HERPUD2: variants seen among roughly 807,000 people sequenced by gnomAD.
The protein encoded by HERPUD2 is HERPUD family member 2, also known as homocysteine-responsive endoplasmic reticulum-resident ubiquitin-like domain member 2 protein.
A neutral mutation model predicts 49.9 loss-of-function variants in HERPUD2; 13 were observed. The observed-to-expected ratio is 0.26, with a 90% CI of 0.17 to 0.41. The LOEUF (loss-of-function observed/expected upper bound fraction) is 0.41, where lower values mean the gene tolerates loss of function less well. HERPUD2 is among the 10% of genes least tolerant of loss of function. The pLI, the probability that HERPUD2 is intolerant of heterozygous loss-of-function variation, is 1.00. For synonymous variants in HERPUD2, 172 were observed against 171.4 expected (o/e 1.00, Z -0.03); for missense variants, 449 against 492.2 (o/e 0.91, Z 0.83).
At chr7:35,645,549 C>A (rs1337575902) in intron 5 of HERPUD2, among the ~76,000 whole-genome samples, 5 of 152,064 alleles carry the variant, frequency 3.3e-5, no homozygotes, top group African/African-American at 1.2e-4. Context: ...GTACAGTAAG[C>A]CCTCACTTCC....
chr7:35,673,329 G>A lies in HERPUD2; in HGVS notation c.148-51C>T, dbSNP rs755981068. 8.6e-6 allele frequency: 12 copies of A among 1,399,074 alleles called. No individual in the cohort carries two copies. The East Asian group carries it at 2.6e-4, about 30-fold the overall frequency. The allele number at this position is 1,399,074 out of a possible 1,614,324, so 86.7% of individuals were successfully genotyped here. ...TTCAACTTTTCTAATTATGCAAATT[G>A]AAGGTTGGGAATAACATGCCTAATT... On this transcript the variant is annotated intron_variant, in intron 2 of 8. Transcript: ENST00000311350.
intron 2 of HERPUD2, among the ~76,000 whole-genome samples, chr7:35,689,963 C>T (rs1786143768): frequency 6.6e-6 from 1 of 152,094 alleles, no homozygotes; most frequent in Admixed American, 6.5e-5. Context: ...CCTAAGTGGA[C>T]TTGGATATTC....
chr7:35,673,984 T>G (rs1468078474), intron 2 of HERPUD2, among the ~76,000 whole-genome samples: 1 of 152,106 alleles, frequency 6.6e-6, no homozygotes, highest in Non-Finnish European at 1.5e-5. Context: ...CTGTATATAC[T>G]CCACATAAGG....
intron 2 of HERPUD2, among the ~76,000 whole-genome samples, chr7:35,688,333 T>C (rs1786108222): frequency 6.6e-6 from 1 of 152,214 alleles, no homozygotes; most frequent in Non-Finnish European, 1.5e-5. Context: ...GCAGTAACAG[T>C]AAGCAAAACT....
At chr7:35,673,072 A>G in intron 3 of HERPUD2, 129 bp downstream of exon 3, 1 of 615,262 alleles carries the variant, frequency 1.6e-6, no homozygotes, top group Non-Finnish European at 2.9e-6. Context: ...ATTTATCTTT[A>G]CTTGTTACAC....
intron 2 of HERPUD2, among the ~76,000 whole-genome samples, chr7:35,681,149 A>G (rs1000968274): frequency 5.9e-5 from 9 of 152,242 alleles, no homozygotes; most frequent in African/African-American, 2.2e-4. Flanking sequence ...ATGATAAAGA[A>G]GCAATCATAT....
intron 5 of HERPUD2, among the ~76,000 whole-genome samples, chr7:35,660,080 A>G (rs1437605127): frequency 6.6e-6 from 1 of 151,912 alleles, no homozygotes; most frequent in Non-Finnish European, 1.5e-5. Flanking sequence ...CCCTGTGTCC[A>G]TGGGTTCTCA....
intron 5 of HERPUD2, among the ~76,000 whole-genome samples, chr7:35,655,761 T>C (rs763317582): frequency 2.2e-4 from 33 of 152,306 alleles, no homozygotes; most frequent in Non-Finnish European, 4.3e-4. Flanking sequence ...TCCCTCTTTG[T>C]AGATAAAGAC....
chr7:35,634,422 C>T lies in HERPUD2; in HGVS notation c.949G>A (p.Ala317Thr). The stretch of plus-strand genomic sequence containing the variant: ...TCTTGCCTAAAAGGAAACCATCCAG[C>T]TTGGTGTCTGTTCAGTAAAATAAAG... ...GAMLLVYLHQ[A>T]GWFPFRQEGG... Residue 317 changes from alanine to threonine, a missense_variant, in exon 8 of 9, where the codon GCT becomes ACT. By Grantham distance (58) the Ala-to-Thr change is moderately conservative (BLOSUM62 0). Coordinates refer to ENST00000311350, the MANE Select transcript of HERPUD2 (RefSeq NM_022373.5). 1.9e-6 allele frequency: 3 copies of T among 1,602,608 alleles called. No individual in the cohort carries two copies. Among genetic ancestry groups the T allele is most frequent in the Non-Finnish European group, 2.6e-6 (3 of 1,169,602 alleles).
chr7:35,644,663 A>T (rs1269566958), intron 5 of HERPUD2, among the ~76,000 whole-genome samples: 1 of 152,130 alleles, frequency 6.6e-6, no homozygotes, highest in African/African-American at 2.4e-5. Flanking sequence ...GCTACTCAGG[A>T]GGCTGACACA....
chr7:35,635,151 T>C lies in HERPUD2; in HGVS notation c.925A>G (p.Met309Val). The change falls in exon 7 of 9, where the codon ATG becomes GTG. Residue 309 changes from methionine (M) to valine (V), a missense_variant. By Grantham distance (21) the Met-to-Val change is conservative (BLOSUM62 1). Transcript: ENST00000311350. ...FSRFIMVMGA[M>V]LLVYLHQAGW... ...ATCACTCACAAATAAACCAGTAGCA[T>C]GGCTCCCATTACCATGATAAACCGA... is the stretch of plus-strand genomic sequence containing the variant. The C allele has an allele frequency of 4.3e-6, 7 of 1,613,188 alleles. No individual in the cohort carries two copies. Among genetic ancestry groups the C allele is most frequent in the Non-Finnish European group, 4.2e-6 (5 of 1,179,120 alleles).
intron 5 of HERPUD2, among the ~76,000 whole-genome samples, 182 bp from the exon 6 acceptor site, chr7:35,638,654 GGGCCCAACTATATAGAATAACTA>G (rs1490765893): frequency 6.6e-6 from 1 of 152,064 alleles, no homozygotes; most frequent in African/African-American, 2.4e-5. Context: ...AGTTGACCCA[GGGCCCAACTATATAGAATAACTA>G]ACATTTCAGT....
In HERPUD2 at chr7:35,694,424, A is replaced by C; in HGVS notation, c.-94T>G. ...GCCGGCGCGACTGGGATGAGGACAG[A>C]AGTGAGTTCTTAGTATTCCGTGTCC... On this transcript the variant is annotated 5_prime_UTR_variant, in exon 2 of 9. Coordinates refer to ENST00000311350, the MANE Select transcript of HERPUD2 (RefSeq NM_022373.5). 7.8e-7 allele frequency: 1 copy of C among 1,285,672 alleles called. No homozygotes were observed. Among genetic ancestry groups the C allele is most frequent in the Non-Finnish European group, 1.1e-6 (1 of 891,826 alleles). 79.6% of individuals were successfully genotyped at this position (1,285,672 alleles called of 1,614,324 possible).
Position 35,695,121 on chromosome 7 carries a change from G to C in HERPUD2, c.-618C>G, listed in dbSNP as rs1222600596. 1 of 152,496 alleles carries C rather than the reference G, an allele frequency of 6.6e-6. No individual in the cohort carries two copies. The highest frequency in any genetic ancestry group is 6.5e-5 in the Admixed American group (1 of 15,292). 9.4% of individuals were successfully genotyped at this position (152,496 alleles called of 1,614,324 possible). On this transcript the variant is annotated 5_prime_UTR_variant, in exon 1 of 9. Coordinates refer to ENST00000311350, the MANE Select transcript of HERPUD2 (RefSeq NM_022373.5). ...AGAGCCGTTGCGCCACCGCTGGCGC[G>C]CCGGTTTTGTTGTTATTGCGAGGAT... is the stretch of plus-strand genomic sequence containing the variant.
chr7:35,690,048 G>C (rs1786145511), intron 2 of HERPUD2, among the ~76,000 whole-genome samples: 1 of 152,142 alleles, frequency 6.6e-6, no homozygotes, highest in African/African-American at 2.4e-5. Context: ...TAATAACTAA[G>C]TCTAAACTCA....
intron 2 of HERPUD2, among the ~76,000 whole-genome samples, chr7:35,675,085 G>C (rs1324260653): frequency 1.3e-5 from 2 of 152,134 alleles, no homozygotes; most frequent in African/African-American, 4.8e-5. Flanking sequence ...CATATGAAGG[G>C]GGGCAGTCTT....
chr7:35,638,620 AAATAAGACAATATGTCTT>A, intron 5 of HERPUD2, 148 bp from the exon 6 acceptor site: 1 of 788,890 alleles, frequency 1.3e-6, no homozygotes, highest in East Asian at 2.7e-5. Flanking sequence ...ACGATTCTTC[AAATAAGACAATATGTCTT>A]ACATAAGTTG....
At position 35,635,169 on chromosome 7, in the gene HERPUD2, T is replaced by C. The variant is rs1733448413; in HGVS notation, c.907A>G (p.Ile303Val). The C allele has an allele frequency of 6.2e-7, 1 of 1,613,996 alleles. No homozygotes were observed. The highest frequency in any genetic ancestry group is 1.7e-5 in the Admixed American group (1 of 60,008). The change falls in exon 7 of 9, where the codon ATC becomes GTC. Residue 303 changes from isoleucine (I) to valine (V), a missense_variant. Coordinates refer to ENST00000311350, the MANE Select transcript of HERPUD2 (RefSeq NM_022373.5). Reference protein sequence around the residue: ...VYFYSSFSRFIMVMGAMLLVY... With the variant: ...VYFYSSFSRFVMVMGAMLLVY... ...AGTAGCATGGCTCCCATTACCATGATAAACCGACTAAAAGAAGAATAGAAG... is the reference window on the plus strand; with the variant it reads ...AGTAGCATGGCTCCCATTACCATGACAAACCGACTAAAAGAAGAATAGAAG...
At chr7:35,655,877 C>T (rs73340307) in intron 5 of HERPUD2, among the ~76,000 whole-genome samples, 3,926 of 152,148 alleles carry the variant, frequency 0.026, 153 homozygotes, top group African/African-American at 0.087. Flanking sequence ...AGAAAGAAAT[C>T]GAGCCGAGTG....
Sources: gnomAD v4.1 joint callset for allele counts (sites outside exome capture counted in the v4.1 genomes callset) on GRCh38, gnomAD v4.1.1 for gene constraint, MANE v1.5 for transcripts, NCBI Gene and HGNC (gene_info 2026-07-23, HGNC 2026-07-21) for gene names.